Variants in VPS8 observed in about 807,000 individuals in gnomAD.
VPS8 encodes VPS8 subunit of CORVET complex.
Under a neutral mutation model 216.4 loss-of-function variants are expected in VPS8, and 129 were observed. The ratio of observed to expected loss-of-function variants is 0.60; its 90% CI spans 0.52 to 0.69. The LOEUF is 0.69. Among genes scored for constraint, VPS8 ranks in the 30% least tolerant of loss-of-function variants. VPS8 has a pLI of 0.00. For synonymous variants in VPS8, 571 were observed against 565.4 expected, an observed-to-expected ratio of 1.01 and a Z score of -0.14; for missense variants, 1,531 against 1,683.5, an observed-to-expected ratio of 0.91 and a Z score of 1.59.
Position 185,051,949 on chromosome 3 carries a change from C to G in VPS8, c.4211C>G (p.Ala1404Gly). The G allele has an allele frequency of 1.9e-6, 3 of 1,613,600 alleles. No homozygotes were observed. Among genetic ancestry groups the G allele is most frequent in the Non-Finnish European group, 2.5e-6 (3 of 1,179,758 alleles). Residue 1404 changes from alanine (A) to glycine (G), a missense_variant, in exon 48 of 48, where the codon GCT becomes GGT. Physicochemically the swap from Ala to Gly is moderately conservative, Grantham distance 60 (BLOSUM62 0). Transcript: ENST00000625842. The stretch of plus-strand genomic sequence containing the variant: ...AGGCCATTCAGTGGCTCGCAGAGTG[C>G]TCCTGCTTTCAACAGCATCTTCCAG... ...SYRPFSGSQSAPAFNSIFQNE... is the reference protein window; with the variant it reads ...SYRPFSGSQSGPAFNSIFQNE...
rs148332326 is a variant in VPS8, at chr3:184,978,777, T to C, written c.3421-3789T>C. 6.2e-3 allele frequency among the ~76,000 whole-genome samples: 944 copies of C among 152,318 alleles called. 8 individuals are homozygous for C. Among genetic ancestry groups the C allele is most frequent in the African/African-American group, 0.021 (878 of 41,588 alleles). Reference sequence around the variant, plus strand: ...TTATCTTTTGGTTTCATTAGTCTTTTATCTGTTTTTTCTTGTCTCAATTGT... The same window carrying C: ...TTATCTTTTGGTTTCATTAGTCTTTCATCTGTTTTTTCTTGTCTCAATTGT... On this transcript the variant is annotated intron_variant, in intron 40 of 47. Transcript: ENST00000625842.
At chr3:184,951,272 G>T (rs1744651223) in intron 36 of VPS8, among the ~76,000 whole-genome samples, 1 of 152,046 alleles carries the variant, frequency 6.6e-6, no homozygotes, top group African/African-American at 2.4e-5. Flanking sequence ...GATTGCTTGA[G>T]CCCAAGAGTT....
rs1738932833 is a variant in VPS8, at chr3:184,923,079, G to A, written c.2455-1783G>A. On this transcript the variant is annotated intron_variant, in intron 29 of 47. Coordinates refer to ENST00000625842, the MANE Select transcript of VPS8 (RefSeq NM_001009921.3). Reference sequence around the variant, plus strand: ...AAAAGCAGAAAGGGCAAAAGAGAGGGATGCAAGAAGTAGGTCAAAAGCTAG... The same window carrying A: ...AAAAGCAGAAAGGGCAAAAGAGAGGAATGCAAGAAGTAGGTCAAAAGCTAG... 2.6e-5 allele frequency among the ~76,000 whole-genome samples: 4 copies of A among 152,248 alleles called. No individual in the cohort carries two copies. In the South Asian group the frequency reaches 8.3e-4, roughly 32 times the overall value.
intron 24 of VPS8, among the ~76,000 whole-genome samples, chr3:184,900,169 T>A (rs1734221145): frequency 6.6e-6 from 1 of 152,198 alleles, no homozygotes; most frequent in Non-Finnish European, 1.5e-5. Flanking sequence ...CTTTACCAAT[T>A]TAGGTCCCAA....
chr3:184,899,957 A>G (rs191880393), intron 24 of VPS8, among the ~76,000 whole-genome samples: 192 of 152,316 alleles, frequency 1.3e-3, no homozygotes, highest in Admixed American at 2.8e-3. Flanking sequence ...TTGTGTTCGA[A>G]GTGTTTAAAG....
In VPS8 at chr3:184,999,995, T is replaced by G. The variant is rs1452441434; in HGVS notation, c.4002+134T>G. 5.0e-6 allele frequency: 5 copies of G among 1,007,220 alleles called. No homozygotes were observed. In the East Asian group the frequency reaches 1.1e-4, roughly 21 times the overall value. 62.4% of individuals were successfully genotyped at this position (1,007,220 alleles called of 1,614,324 possible). A position where few individuals can be genotyped will look rare whatever the true frequency, so the allele number is the denominator to read the frequency against. ...GGTATTGGGTACATGAAATGTTCTT[T>G]TCAGTCCTATTTAGTGTTCGAAGAG... is the stretch of plus-strand genomic sequence containing the variant. On this transcript the variant is annotated intron_variant, in intron 45 of 47. Transcript: ENST00000625842.
intron 1 of VPS8, among the ~76,000 whole-genome samples, chr3:184,816,775 T>G (rs1348943586): frequency 6.6e-6 from 1 of 152,106 alleles, no homozygotes; most frequent in East Asian, 1.9e-4. Flanking sequence ...TGAGCACAGG[T>G]GACGTGAACT....
At chr3:184,882,964 G>A (rs186997621) in intron 21 of VPS8, among the ~76,000 whole-genome samples, 1 of 152,060 alleles carries the variant, frequency 6.6e-6, no homozygotes, top group Non-Finnish European at 1.5e-5. Flanking sequence ...AAGTTTGTCA[G>A]TTCTAATCAG....
intron 25 of VPS8, among the ~76,000 whole-genome samples, chr3:184,906,418 T>C (rs185292150): frequency 6.6e-6 from 1 of 152,300 alleles, no homozygotes; most frequent in East Asian, 1.9e-4. Flanking sequence ...TTGGATAGAG[T>C]GTTACATAGA....
intron 46 of VPS8, among the ~76,000 whole-genome samples, chr3:185,042,925 C>T (rs1712008830): frequency 1.3e-5 from 2 of 152,034 alleles, no homozygotes; most frequent in Admixed American, 1.3e-4. Flanking sequence ...GACTTTAAAC[C>T]AATTGGGGGA....
At chr3:184,868,236 T>C (rs549421143) in intron 18 of VPS8, 177 bp downstream of exon 18, 1 of 625,034 alleles carries the variant, frequency 1.6e-6, no homozygotes, top group African/African-American at 1.9e-5. Context: ...TAAGTTAGAA[T>C]TAGGTTTGTC....
chr3:184,896,768 T>C (rs1733562935), intron 23 of VPS8, among the ~76,000 whole-genome samples: 1 of 152,178 alleles, frequency 6.6e-6, no homozygotes, highest in Non-Finnish European at 1.5e-5. Context: ...AATGAACAGA[T>C]TAATGTACAA....
intron 1 of VPS8, chr3:184,815,787 A>G (rs1403609040): frequency 6.6e-6 from 1 of 151,316 alleles, no homozygotes; most frequent in Non-Finnish European, 1.5e-5. Flanking sequence ...GTTGCAGTTC[A>G]GCAAGACGCT....
At chr3:184,958,616 T>C (rs145837811) in intron 37 of VPS8, among the ~76,000 whole-genome samples, 2 of 152,278 alleles carry the variant, frequency 1.3e-5, no homozygotes, top group African/African-American at 4.8e-5. Context: ...TAATATCAAG[T>C]TGTCTAGCTT....
chr3:185,036,141 T>C (rs1311591960), intron 46 of VPS8, among the ~76,000 whole-genome samples: 2 of 152,182 alleles, frequency 1.3e-5, no homozygotes, highest in African/African-American at 2.4e-5. Flanking sequence ...AAACAGTCCA[T>C]GCTCATGGAT....
chr3:185,030,809 C>CTG (rs2108446872), intron 46 of VPS8, among the ~76,000 whole-genome samples: 1 of 152,224 alleles, frequency 6.6e-6, no homozygotes, highest in East Asian at 1.9e-4. Flanking sequence ...GTTGCCAAGG[C>CTG]TGGAGTGCAG....
rs138639718 is a variant in VPS8, at chr3:185,014,336, G to T, written c.4003-10000G>T. On this transcript the variant is annotated intron_variant, in intron 45 of 47. Transcript: ENST00000625842. ...CTCATGACAGTTGGGGTCCTCCTCA[G>T]CATCAGTCTCGACATGGCTGCAACC... is the stretch of plus-strand genomic sequence containing the variant. Among the ~76,000 whole-genome samples the T allele has an allele frequency of 2.0e-5, 3 of 152,216 alleles. No homozygotes were observed. In the East Asian group the frequency reaches 5.8e-4, roughly 29 times the overall value.
Position 185,012,959 on chromosome 3 carries a change from A to AATAT in VPS8, c.4003-11376_4003-11375insTATA, listed in dbSNP as rs1561114808. ...TTTCTATAGATTATAGATTAGCTAA[A>AATAT]AGCATTTCCTACGGGAAATAACTAA... is the stretch of plus-strand genomic sequence containing the variant. On this transcript the variant is annotated intron_variant, in intron 45 of 47. Transcript: ENST00000625842. Among the ~76,000 whole-genome samples, 118 of 151,742 alleles carry AATAT rather than the reference A, an allele frequency of 7.8e-4. 1 individual carries two copies. The highest frequency in any genetic ancestry group is 2.8e-3 in the African/African-American group (115 of 41,046).
chr3:184,868,611 A>G (rs1042524416), intron 18 of VPS8, among the ~76,000 whole-genome samples: 9 of 152,222 alleles, frequency 5.9e-5, no homozygotes, highest in African/African-American at 7.2e-5. Flanking sequence ...TTCAGCTGGT[A>G]TATTGCTGTC....
Sources: gnomAD v4.1 joint callset for allele counts (sites outside exome capture counted in the v4.1 genomes callset) on GRCh38, gnomAD v4.1.1 for gene constraint, MANE v1.5 for transcripts, NCBI Gene and HGNC (gene_info 2026-07-23, HGNC 2026-07-21) for gene names.